Variants in MCTP1 observed in about 807,000 individuals in gnomAD.
MCTP1 encodes multiple C2 and transmembrane domain-containing protein 1.
In MCTP1, 69 loss-of-function variants were observed where a neutral mutation model predicts 120.6. That is an observed-to-expected ratio of 0.57 (90% CI 0.47 to 0.70). The LOEUF (loss-of-function observed/expected upper bound fraction) is 0.70, where lower values mean the gene tolerates loss of function less well. Among genes scored for constraint, MCTP1 ranks in the 30% least tolerant of loss-of-function variants. The pLI, the probability that MCTP1 is intolerant of heterozygous loss-of-function variation, is 0.00. For missense variants in MCTP1, 1,203 were observed against 1,248.8 expected (o/e 0.96, Z 0.55); for synonymous variants, 529 against 493.1 (o/e 1.07, Z -0.96).
At chr5:94,911,820 C>T (rs977645001) in intron 9 of MCTP1, among the ~76,000 whole-genome samples, 4 of 152,100 alleles carry the variant, frequency 2.6e-5, no homozygotes, top group Non-Finnish European at 5.9e-5. Context: ...ATAATTGATA[C>T]TATACGATAT....
intron 17 of MCTP1, among the ~76,000 whole-genome samples, chr5:94,829,029 T>C (rs1191702163): frequency 6.6e-6 from 1 of 151,944 alleles, no homozygotes; most frequent in Non-Finnish European, 1.5e-5. Flanking sequence ...AAAAAACTCC[T>C]GCAGTTAGCA....
rs1367018496 is a variant in MCTP1, at chr5:94,707,236, T to G, written c.*260A>C. The G allele has an allele frequency of 5.9e-6, 2 of 339,428 alleles. No homozygotes were observed. Among genetic ancestry groups the G allele is most frequent in the African/African-American group, 4.4e-5 (2 of 45,646 alleles). 21.0% of individuals were successfully genotyped at this position (339,428 alleles called of 1,614,324 possible). On this transcript the variant is annotated 3_prime_UTR_variant, in exon 23 of 23. Coordinates refer to ENST00000515393, the MANE Select transcript of MCTP1 (RefSeq NM_024717.7). Reference sequence around the variant, plus strand: ...TCCAGTGTTATCATTCTTATATTTGTTCTTTCAGTGTGTTATATTATTATC... The same window carrying G: ...TCCAGTGTTATCATTCTTATATTTGGTCTTTCAGTGTGTTATATTATTATC...
chr5:94,724,988 C>A (rs1761819311), intron 19 of MCTP1, among the ~76,000 whole-genome samples: 1 of 152,058 alleles, frequency 6.6e-6, no homozygotes, highest in Admixed American at 6.6e-5. Context: ...ACAAAGGCTA[C>A]TTTCAACCAC....
At position 94,954,113 on chromosome 5, in the gene MCTP1, A is replaced by AATATATATACAAATATATATATGC. The variant is rs1554151189; in HGVS notation, c.839-776_839-753dup. On this transcript the variant is annotated intron_variant, in intron 2 of 22. Transcript: ENST00000515393. ...ATGTGCATATATATACATATATATG[A>AATATATATACAAATATATATATGC]ATATATATACAAATATATATATGCA... is the stretch of plus-strand genomic sequence containing the variant. Among the ~76,000 whole-genome samples the AATATATATACAAATATATATATGC allele has an allele frequency of 1.8e-4, 9 of 50,592 alleles. 1 individual carries two copies. Among genetic ancestry groups the AATATATATACAAATATATATATGC allele is most frequent in the African/African-American group, 3.2e-4 (3 of 9,468 alleles). The allele number at this position is 50,592 out of a possible 152,430, so 33.2% of individuals were successfully genotyped here. A position where few individuals can be genotyped will look rare whatever the true frequency, so the allele number is the denominator to read the frequency against.
intron 13 of MCTP1, 59 bp downstream of exon 13, chr5:94,873,080 A>G (rs1798130960): frequency 9.7e-7 from 1 of 1,031,692 alleles, no homozygotes; most frequent in Non-Finnish European, 1.5e-6. Context: ...TAAAACCCTC[A>G]AAAATAAATC....
intron 17 of MCTP1, among the ~76,000 whole-genome samples, chr5:94,824,286 C>T (rs2050972511): frequency 6.6e-6 from 1 of 152,080 alleles, no homozygotes; most frequent in South Asian, 2.1e-4. Context: ...GCCTTTTCTC[C>T]ATTTATTGAG....
chr5:95,009,540 G>T (rs1169785505), intron 2 of MCTP1, among the ~76,000 whole-genome samples: 2 of 151,144 alleles, frequency 1.3e-5, no homozygotes, highest in Non-Finnish European at 2.9e-5. Flanking sequence ...TTTACTATAT[G>T]TATGCCCCAG....
chr5:94,796,372 T>C (rs1779996754), intron 18 of MCTP1, among the ~76,000 whole-genome samples: 1 of 151,860 alleles, frequency 6.6e-6, no homozygotes, highest in Non-Finnish European at 1.5e-5. Context: ...GCCAATGGTG[T>C]GATTAATGCA....
At chr5:95,094,719 T>A (rs1433040993) in intron 1 of MCTP1, among the ~76,000 whole-genome samples, 2 of 152,144 alleles carry the variant, frequency 1.3e-5, no homozygotes, top group African/African-American at 4.8e-5. Context: ...AATACCAAAC[T>A]ATAAATAAAA....
intron 19 of MCTP1, among the ~76,000 whole-genome samples, chr5:94,750,332 C>T (rs1313247384): frequency 6.6e-6 from 1 of 152,172 alleles, no homozygotes; most frequent in Non-Finnish European, 1.5e-5. Context: ...AATTACATAT[C>T]TGGGGGGCAA....
intron 1 of MCTP1, among the ~76,000 whole-genome samples, chr5:95,200,080 GA>G (rs1447687358): frequency 6.6e-6 from 1 of 151,368 alleles, no homozygotes; most frequent in Admixed American, 6.6e-5. Context: ...AGAATCACTT[GA>G]ACCCGGGAGG....
intron 3 of MCTP1, among the ~76,000 whole-genome samples, chr5:94,949,014 A>T (rs1489039374): frequency 6.6e-6 from 1 of 152,190 alleles, no homozygotes; most frequent in African/African-American, 2.4e-5. Context: ...CCAATTTTTT[A>T]AAATGACCAT....
chr5:94,826,385 C>T, intron 17 of MCTP1: 1 of 607,180 alleles, frequency 1.6e-6, no homozygotes, highest in Admixed American at 2.2e-5. Flanking sequence ...AGCTTTCAGA[C>T]CTTTTGGCTC....
At chr5:95,233,252 A>G (rs1755162308) in intron 1 of MCTP1, among the ~76,000 whole-genome samples, 1 of 152,220 alleles carries the variant, frequency 6.6e-6, no homozygotes, top group East Asian at 1.9e-4. Context: ...TCTAATCACA[A>G]TGGAACTAAA....
chr5:95,002,784 A>T (rs533498358), intron 2 of MCTP1, among the ~76,000 whole-genome samples: 1 of 152,272 alleles, frequency 6.6e-6, no homozygotes, highest in South Asian at 2.1e-4. Flanking sequence ...TGCTGGAATG[A>T]GTTAAGACTT....
chr5:95,114,438 G>A (rs1163357256), intron 1 of MCTP1, among the ~76,000 whole-genome samples: 1 of 152,186 alleles, frequency 6.6e-6, no homozygotes, highest in African/African-American at 2.4e-5. Context: ...TGAAGGGTGA[G>A]TAGCAGGCCA....
chr5:94,976,747 C>G (rs1828203265), intron 2 of MCTP1: 1 of 152,096 alleles, frequency 6.6e-6, no homozygotes, highest in African/African-American at 2.4e-5. Flanking sequence ...ATTGTTACCC[C>G]TCACTGATGT....
intron 1 of MCTP1, among the ~76,000 whole-genome samples, chr5:95,072,678 T>A (rs1018149507): frequency 6.6e-5 from 10 of 152,042 alleles, no homozygotes; most frequent in Non-Finnish European, 1.5e-4. Context: ...TCACAATATA[T>A]GTTTGGAGCT....
At chr5:94,883,736 A>G (rs1478622740) in intron 12 of MCTP1, among the ~76,000 whole-genome samples, 2 of 152,212 alleles carry the variant, frequency 1.3e-5, no homozygotes, top group Non-Finnish European at 2.9e-5. Context: ...GGCACATGCT[A>G]TTAATTCAAA....
Sources: gnomAD v4.1 joint callset for allele counts (sites outside exome capture counted in the v4.1 genomes callset) on GRCh38, gnomAD v4.1.1 for gene constraint, MANE v1.5 for transcripts, NCBI Gene and HGNC (gene_info 2026-07-23, HGNC 2026-07-21) for gene names.